The following CSNK1G1 variants were observed in gnomAD, a reference collection of about 807,000 sequenced individuals.
CSNK1G1 encodes the protein casein kinase 1 gamma 1, also known as casein kinase I isoform gamma-1.
CSNK1G1 carries 22 observed loss-of-function variants against 59.6 expected under a neutral mutation model. That is an observed-to-expected ratio of 0.37 (90% CI 0.26 to 0.53). The LOEUF is 0.53. CSNK1G1 is among the 20% of genes least tolerant of loss of function. The pLI, the probability that CSNK1G1 is intolerant of heterozygous loss-of-function variation, is 0.89. For synonymous variants in CSNK1G1, 179 were observed against 177.1 expected (o/e 1.01, Z -0.08); for missense variants, 384 against 519.5 (o/e 0.74, Z 2.54).
chr15:64,307,666 T>C (rs544163001), intron 1 of CSNK1G1, among the ~76,000 whole-genome samples: 15 of 152,288 alleles, frequency 9.8e-5, no homozygotes, highest in African/African-American at 3.6e-4. Flanking sequence ...ATGAAACATC[T>C]TGTCAGCAAC....
At chr15:64,199,621 G>A (rs776855240) in intron 10 of CSNK1G1, among the ~76,000 whole-genome samples, 2 of 152,300 alleles carry the variant, frequency 1.3e-5, no homozygotes, top group South Asian at 2.1e-4. Context: ...TTGGGAGGCC[G>A]AGGCGGGCGG....
intron 4 of CSNK1G1, among the ~76,000 whole-genome samples, chr15:64,236,142 CAAAAAAAAAA>C (rs532663571): frequency 4.4e-5 from 3 of 68,032 alleles, no homozygotes; most frequent in Admixed American, 1.7e-4. Context: ...GACTCCATCT[CAAAAAAAAAA>C]AAAAAAAAAG....
chr15:64,261,948 A>G (rs1187790251), intron 2 of CSNK1G1, among the ~76,000 whole-genome samples: 24 of 152,046 alleles, frequency 1.6e-4, no homozygotes. Flanking sequence ...TCTCAAAAAA[A>G]AAAAAAAAAA....
At chr15:64,187,781 CAAGTT>C (rs1377232999) in intron 10 of CSNK1G1, among the ~76,000 whole-genome samples, 1 of 152,192 alleles carries the variant, frequency 6.6e-6, no homozygotes, top group South Asian at 2.1e-4. Flanking sequence ...ACATGTAAGA[CAAGTT>C]AAGAGATACC....
chr15:64,336,067 AT>A (rs1369097185), intron 1 of CSNK1G1, among the ~76,000 whole-genome samples: 1 of 152,150 alleles, frequency 6.6e-6, no homozygotes, highest in Non-Finnish European at 1.5e-5. Flanking sequence ...TTATGTGGCT[AT>A]TTTTTACCTA....
At chr15:64,299,410 A>T (rs2140400993) in intron 2 of CSNK1G1, among the ~76,000 whole-genome samples, 1 of 152,074 alleles carries the variant, frequency 6.6e-6, no homozygotes, top group Non-Finnish European at 1.5e-5. Context: ...AACATGGTGA[A>T]ACCCTGTCTC....
intron 1 of CSNK1G1, among the ~76,000 whole-genome samples, chr15:64,305,968 C>T (rs1175278305): frequency 6.6e-6 from 1 of 151,998 alleles, no homozygotes; most frequent in Non-Finnish European, 1.5e-5. Flanking sequence ...AGATACAGAC[C>T]TTACATCTTT....
At chr15:64,263,204 T>C (rs1892792705) in intron 2 of CSNK1G1, among the ~76,000 whole-genome samples, 2 of 151,836 alleles carry the variant, frequency 1.3e-5, no homozygotes, top group Non-Finnish European at 2.9e-5. Flanking sequence ...TTTTCTTTTT[T>C]TTGAGACAGA....
At chr15:64,350,300 T>C (rs1898213095) in intron 1 of CSNK1G1, among the ~76,000 whole-genome samples, 1 of 152,108 alleles carries the variant, frequency 6.6e-6, no homozygotes, top group East Asian at 1.9e-4. Context: ...GAGACCATCC[T>C]GGCTAACACG....
At chr15:64,222,351 C>T (rs549592396) in intron 4 of CSNK1G1, among the ~76,000 whole-genome samples, 1 of 149,924 alleles carries the variant, frequency 6.7e-6, no homozygotes, top group South Asian at 2.1e-4. Flanking sequence ...ACACATGTAC[C>T]TACGTAACAA....
rs558058586 is a variant in CSNK1G1 at position 64,299,211 on chromosome 15, C to T, written c.181+1108G>A. Among the ~76,000 whole-genome samples, 3 of 152,232 alleles carry T rather than the reference C, an allele frequency of 2.0e-5. No homozygotes were observed. In the South Asian group the frequency reaches 6.2e-4, roughly 32 times the overall value. Reference sequence around the variant, plus strand: ...TTTAGCCTAAAAGATGACCTTTCCACATTCTCCAGGCTAATTTCCAACTTC... The same window carrying T: ...TTTAGCCTAAAAGATGACCTTTCCATATTCTCCAGGCTAATTTCCAACTTC... On this transcript the variant is annotated intron_variant, in intron 2 of 11. Transcript: ENST00000303052.
At chr15:64,191,771 T>TG (rs1431830429) in intron 10 of CSNK1G1, among the ~76,000 whole-genome samples, 1 of 152,230 alleles carries the variant, frequency 6.6e-6, no homozygotes, top group Non-Finnish European at 1.5e-5. Context: ...ACCATACTAC[T>TG]GCCCGCCAAT....
intron 4 of CSNK1G1, among the ~76,000 whole-genome samples, chr15:64,228,497 G>A (rs1267151443): frequency 1.3e-5 from 2 of 152,050 alleles, no homozygotes; most frequent in Non-Finnish European, 2.9e-5. Context: ...TTAGCTGGGC[G>A]TGGTGGCGCA....
chr15:64,252,773 G>C (rs923120316), intron 3 of CSNK1G1, among the ~76,000 whole-genome samples: 1 of 152,206 alleles, frequency 6.6e-6, no homozygotes, highest in Non-Finnish European at 1.5e-5. Flanking sequence ...AAACCTCAGA[G>C]ATAAAGCAGC....
intron 1 of CSNK1G1, among the ~76,000 whole-genome samples, chr15:64,335,496 C>T (rs1013662435): frequency 5.9e-5 from 9 of 152,106 alleles, no homozygotes; most frequent in African/African-American, 1.9e-4. Flanking sequence ...CACAAAAAGG[C>T]AGCCTTGATG....
chr15:64,333,973 A>T (rs1897249370), intron 1 of CSNK1G1, among the ~76,000 whole-genome samples: 1 of 152,196 alleles, frequency 6.6e-6, no homozygotes, highest in South Asian at 2.1e-4. Flanking sequence ...CACTCCACTG[A>T]TAGCCCTAGA....
chr15:64,198,195 T>C (rs1010501652), intron 10 of CSNK1G1, among the ~76,000 whole-genome samples: 4 of 143,590 alleles, frequency 2.8e-5, no homozygotes, highest in African/African-American at 1.0e-4. Context: ...GGATATACTT[T>C]TTTTTTTTTT....
intron 1 of CSNK1G1, among the ~76,000 whole-genome samples, chr15:64,320,032 G>A (rs1896477311): frequency 6.8e-6 from 1 of 146,310 alleles, no homozygotes; most frequent in Admixed American, 7.1e-5. Context: ...AGCCTCCTGA[G>A]TAGCTGGTAC....
chr15:64,202,353 T>C (rs1159638142), intron 10 of CSNK1G1, among the ~76,000 whole-genome samples: 1 of 152,058 alleles, frequency 6.6e-6, no homozygotes, highest in East Asian at 1.9e-4. Context: ...AGACCCAAAG[T>C]GGGCTACCTG....
Sources: allele counts gnomAD v4.1 joint callset (sites outside exome capture counted in the v4.1 genomes callset), GRCh38; gene constraint gnomAD v4.1.1; transcripts MANE v1.5; gene names NCBI Gene and HGNC (gene_info 2026-07-23, HGNC 2026-07-21).